Variants in SUN5 observed in about 807,000 individuals in gnomAD.
The protein encoded by SUN5 is Sad1 and UNC84 domain containing 5, also known as SUN domain-containing protein 5.
A neutral mutation model predicts 53.7 loss-of-function variants in SUN5; 44 were observed. The ratio of observed to expected loss-of-function variants is 0.82; its 90% confidence interval spans 0.64 to 1.05. The LOEUF is 1.05. SUN5 is among the 50% of genes least tolerant of loss of function. The pLI is 0.00. For synonymous variants in SUN5, 166 were observed against 179.8 expected (o/e 0.92, Z 0.62); for missense variants, 433 against 483.8 (o/e 0.90, Z 0.98).
At chr20:32,993,113 A>C (rs556291648) in intron 8 of SUN5, among the ~76,000 whole-genome samples, 1 of 152,256 alleles carries the variant, frequency 6.6e-6, no homozygotes, top group Admixed American at 6.5e-5. Flanking sequence ...GTTCAGGAGC[A>C]GACATTCAAA....
chr20:32,993,118 T>A (rs1223976134), intron 8 of SUN5, among the ~76,000 whole-genome samples: 1 of 152,210 alleles, frequency 6.6e-6, no homozygotes, highest in Non-Finnish European at 1.5e-5. Context: ...GGAGCAGACA[T>A]TCAAACAACA....
chr20:32,993,095 T>A (rs1600494677), intron 8 of SUN5, among the ~76,000 whole-genome samples: 2 of 149,554 alleles, frequency 1.3e-5, no homozygotes, highest in Non-Finnish European at 3.0e-5. Context: ...ATGAAAAAAA[T>A]TATAATTGTT....
chr20:33,003,587 C>T (rs552459874), intron 1 of SUN5, among the ~76,000 whole-genome samples: 13 of 152,082 alleles, frequency 8.5e-5, no homozygotes, highest in Non-Finnish European at 1.6e-4. Context: ...AAAATTTTCC[C>T]TTATTTCTTA....
Position 32,985,793 on chromosome 20 carries a change from G to A in SUN5, c.840C>T (p.Pro280=). The part of the protein sequence containing the change: ...YLSNLTLQHI[P]KTISLSGSLD... ...GGCTGCCTGACAATGAGATGGTCTT[G>A]GGGATGTGCTGCAGCGTGAGGTTGG... Residue 280 remains proline (P), a synonymous_variant, in exon 11 of 13, where the codon CCC becomes CCT. Transcript: ENST00000356173. 2 of 1,614,132 alleles carry A rather than the reference G, an allele frequency of 1.2e-6. No individual in the cohort carries two copies. The highest frequency in any genetic ancestry group is 1.7e-6 in the Non-Finnish European group (2 of 1,179,986).
At position 32,995,678 on chromosome 20, in the gene SUN5, G is replaced by A. The variant is rs772515844; in HGVS notation, c.475C>T (p.Arg159Ter). The A allele has an allele frequency of 1.4e-5, 23 of 1,613,982 alleles. No homozygotes were observed. The highest frequency in any genetic ancestry group is 1.2e-5 in the Non-Finnish European group (14 of 1,180,030). ...RHHSGEIQDL[R>*]GSMNQLIAKL... Reference sequence around the variant, plus strand: ...GCAATGAGCTGGTTCATGCTACCTCGGAGGTCCTGGATTTCCCCACTGTGA... The same window carrying A: ...GCAATGAGCTGGTTCATGCTACCTCAGAGGTCCTGGATTTCCCCACTGTGA... Residue 159 changes from arginine to a stop codon, truncating the protein, a stop_gained, in exon 8 of 13, where the codon CGA becomes TGA. Coordinates refer to ENST00000356173, the MANE Select transcript of SUN5 (RefSeq NM_080675.4). LOFTEE classifies it high-confidence loss of function.
intron 6 of SUN5, 102 bp from the exon 7 acceptor site, chr20:32,996,460 T>C: frequency 9.7e-7 from 1 of 1,031,432 alleles, no homozygotes; most frequent in East Asian, 2.5e-5. Context: ...AACCCATACA[T>C]TCATCCACTT....
intron 9 of SUN5, among the ~76,000 whole-genome samples, chr20:32,988,009 T>C (rs113142907): frequency 1.9e-3 from 286 of 152,166 alleles, no homozygotes; most frequent in African/African-American, 6.6e-3. Context: ...CCAGGCTGGA[T>C]TGCAGTGGCG....
At chr20:32,997,493 G>T in intron 6 of SUN5, 145 bp downstream of exon 6, 1 of 762,418 alleles carries the variant, frequency 1.3e-6, no homozygotes, top group Non-Finnish European at 2.1e-6. Flanking sequence ...TGGATGGTAC[G>T]ATGAAGGGTG....
chr20:32,984,313 G>C (rs1411299724), intron 12 of SUN5, among the ~76,000 whole-genome samples: 1 of 151,992 alleles, frequency 6.6e-6, no homozygotes. Context: ...TGAGATTTTG[G>C]GAACAGGCGG....
chr20:33,003,385 G>T (rs567307333), intron 1 of SUN5, among the ~76,000 whole-genome samples: 3 of 152,080 alleles, frequency 2.0e-5, no homozygotes, highest in Admixed American at 6.5e-5. Flanking sequence ...CACAGAAAAC[G>T]ATGCTTATTC....
rs769358137 is a variant in SUN5 at position 32,983,854 on chromosome 20, A to G, written c.1080T>C (p.His360=). The change falls in exon 13 of 13, where the codon CAT becomes CAC. Residue 360 remains histidine, a synonymous_variant. Transcript: ENST00000356173. ...GFTCLYRVRV[H]GSVAPPREQP... ...GCTCTCTGGGCGGGGCCACAGAGCC[A>G]TGCACTCGCACGCGGTACAGGCAAG... The G allele has an allele frequency of 6.3e-7, 1 of 1,598,960 alleles. No homozygotes were observed. The highest frequency in any genetic ancestry group is 8.5e-7 in the Non-Finnish European group (1 of 1,172,318).
intron 7 of SUN5, 99 bp downstream of exon 7, chr20:32,996,225 C>A: frequency 1.6e-6 from 2 of 1,252,370 alleles, no homozygotes; most frequent in South Asian, 1.4e-5. Flanking sequence ...CCAGGTTGAT[C>A]TGACTGCAGA....
At position 32,985,917 on chromosome 20, in the gene SUN5, G is replaced by C. The variant is rs779046986; in HGVS notation, c.730-14C>G. 22 of 1,612,154 alleles carry C rather than the reference G, an allele frequency of 1.4e-5. No homozygotes were observed. The highest frequency in any genetic ancestry group is 8.5e-7 in the Non-Finnish European group (1 of 1,178,926). ...TGTCACGTTGGGCTAGAAGAGGCAA[G>C]TACAATAAGGGATATGCTGGGTGGG... On this transcript the variant is annotated splice_polypyrimidine_tract_variant and intron_variant, in intron 10 of 12. Transcript: ENST00000356173.
chr20:32,988,306 A>G (rs1600490487), intron 9 of SUN5, among the ~76,000 whole-genome samples: 1 of 151,970 alleles, frequency 6.6e-6, no homozygotes, highest in Non-Finnish European at 1.5e-5. Flanking sequence ...ACACTATCTG[A>G]CCCCGCGTCT....
In SUN5 at chr20:32,992,530, C is replaced by T. The variant is rs144084548; in HGVS notation, c.535-2832G>A. Among the ~76,000 whole-genome samples, 352 of 152,286 alleles carry T rather than the reference C, an allele frequency of 2.3e-3. 2 individuals carry two copies. The highest frequency in any genetic ancestry group is 8.1e-3 in the African/African-American group (335 of 41,562). Reference sequence around the variant, plus strand: ...CTCTGGAGAGGGTAAAACAGAAGGGCTCTGTTGGGACAGGTGAAGGTTTCT... The same window carrying T: ...CTCTGGAGAGGGTAAAACAGAAGGGTTCTGTTGGGACAGGTGAAGGTTTCT... On this transcript the variant is annotated intron_variant, in intron 8 of 12. Transcript: ENST00000356173.
At chr20:32,994,807 T>C (rs563992881) in intron 8 of SUN5, among the ~76,000 whole-genome samples, 95 of 124,308 alleles carry the variant, frequency 7.6e-4, no homozygotes, top group Middle Eastern at 4.0e-3. Flanking sequence ...TAGGATGCAC[T>C]TGAACCCAGG....
intron 12 of SUN5, 67 bp from the exon 13 acceptor site, chr20:32,984,016 G>A: frequency 7.0e-7 from 1 of 1,434,384 alleles, no homozygotes; most frequent in Non-Finnish European, 9.2e-7. Context: ...CAAAGGTGGG[G>A]AGTGGAAGGG....
intron 8 of SUN5, among the ~76,000 whole-genome samples, chr20:32,991,066 T>G (rs6058996): frequency 0.34 from 52,387 of 151,976 alleles, 9,723 homozygotes; most frequent in East Asian, 0.79. Context: ...TCCCCTCGTT[T>G]ACTGGGGACA....
intron 5 of SUN5, 81 bp downstream of exon 5, chr20:32,999,993 G>C: frequency 6.4e-7 from 1 of 1,567,142 alleles, no homozygotes; most frequent in African/African-American, 1.3e-5. Context: ...TGGCAGTGCA[G>C]TGTCTTGCCC....
Sources: allele counts gnomAD v4.1 joint callset (sites outside exome capture counted in the v4.1 genomes callset), GRCh38; gene constraint gnomAD v4.1.1; transcripts MANE v1.5; gene names NCBI Gene and HGNC (gene_info 2026-07-23, HGNC 2026-07-21).